Variants in ZNF254 observed in about 807,000 individuals in gnomAD.
ZNF254 encodes the protein zinc finger protein 254.
A neutral mutation model predicts 12.4 loss-of-function variants in ZNF254; 10 were observed. That is an observed-to-expected ratio of 0.80 (90% CI 0.50 to 1.36). The LOEUF (loss-of-function observed/expected upper bound fraction) is 1.36, where lower values mean the gene tolerates loss of function less well. Among genes scored for constraint, ZNF254 ranks in the 40% most tolerant of loss-of-function variants. The pLI, the probability that ZNF254 is intolerant of heterozygous loss-of-function variation, is 0.00. For synonymous variants in ZNF254, 305 were observed against 253.4 expected (o/e 1.20, Z -1.93); for missense variants, 996 against 763.9 (o/e 1.30, Z -3.58).
At chr19:24,089,967 G>A (rs997548380) in intron 1 of ZNF254, among the ~76,000 whole-genome samples, 3 of 150,838 alleles carry the variant, frequency 2.0e-5, no homozygotes, top group African/African-American at 7.3e-5. Context: ...AAGGAGGGTG[G>A]ATCACGAAGT....
At chr19:24,101,261 T>C (rs1568456832) in intron 1 of ZNF254, among the ~76,000 whole-genome samples, 1 of 152,236 alleles carries the variant, frequency 6.6e-6, no homozygotes, top group Non-Finnish European at 1.5e-5. Flanking sequence ...GAATGATGTT[T>C]ATCTAGAATC....
At chr19:24,099,872 G>A (rs1972904564) in intron 1 of ZNF254, among the ~76,000 whole-genome samples, 1 of 152,120 alleles carries the variant, frequency 6.6e-6, no homozygotes, top group African/African-American at 2.4e-5. Flanking sequence ...TTTCTCTGGG[G>A]CTGAAGAGAA....
intron 2 of ZNF254, among the ~76,000 whole-genome samples, chr19:24,072,611 G>A (rs1006088328): frequency 4.6e-5 from 7 of 152,194 alleles, no homozygotes; most frequent in African/African-American, 1.7e-4. Flanking sequence ...TGCTTTGGAG[G>A]TGTGACTCTC....
chr19:24,096,941 T>A (rs1205214395), intron 1 of ZNF254, among the ~76,000 whole-genome samples: 1 of 152,218 alleles, frequency 6.6e-6, no homozygotes, highest in Non-Finnish European at 1.5e-5. Flanking sequence ...TTCAAGCACA[T>A]GTGATGGACC....
chr19:24,070,586 A>G (rs1423456307), intron 2 of ZNF254, among the ~76,000 whole-genome samples: 1 of 152,174 alleles, frequency 6.6e-6, no homozygotes, highest in Non-Finnish European at 1.5e-5. Context: ...TGAGATTGTG[A>G]TTTCTGCACT....
rs10412893 is a variant in ZNF254, at chr19:24,038,204, A to T, written c.-190+4583A>T. 5.3e-3 allele frequency among the ~76,000 whole-genome samples: 812 copies of T among 152,318 alleles called. 7 individuals are homozygous for T. Among genetic ancestry groups the T allele is most frequent in the African/African-American group, 0.019 (785 of 41,578 alleles). On this transcript the variant is annotated intron_variant, in intron 1 of 4. Transcript: ENST00000613065. ...TAAATAGCAAAGAAAATAGAACTTT[A>T]TTCCATTTTCTGTTGGAAGATAGGA...
At chr19:24,095,972 TTTTAA>T (rs1972644492) in intron 1 of ZNF254, among the ~76,000 whole-genome samples, 1 of 152,088 alleles carries the variant, frequency 6.6e-6, no homozygotes, top group African/African-American at 2.4e-5. Flanking sequence ...CTTTCTAACT[TTTTAA>T]TTTGAGCATT....
intron 1 of ZNF254, among the ~76,000 whole-genome samples, chr19:24,034,520 C>T (rs1419642258): frequency 1.7e-5 from 2 of 121,142 alleles, no homozygotes; most frequent in African/African-American, 6.4e-5. Flanking sequence ...TCTTTTGTGC[C>T]AGAGTCTCAT....
chr19:24,052,662 A>G (rs1174436515), intron 2 of ZNF254, among the ~76,000 whole-genome samples: 4 of 152,272 alleles, frequency 2.6e-5, no homozygotes, highest in South Asian at 2.1e-4. Context: ...ATTGTAACGT[A>G]TCCCTAATCG....
At chr19:24,045,311 T>A (rs1392328011) in intron 1 of ZNF254, among the ~76,000 whole-genome samples, 2 of 152,196 alleles carry the variant, frequency 1.3e-5, no homozygotes, top group African/African-American at 4.8e-5. Context: ...TTTAACTTTT[T>A]GCCTGTTCTG....
At position 24,106,059 on chromosome 19, in the gene ZNF254, C is replaced by T; in HGVS notation, c.150C>T (p.Ala50=). Residue 50 remains alanine, a synonymous_variant, in exon 2 of 4, where the codon GCC becomes GCT. Transcript: ENST00000357002. ...NVMLENYRNL[A]FLGIAVSKPD... is the part of the protein sequence containing the mutation. ...TGTTAGAGAACTACAGAAACCTGGC[C>T]TTCCTGGGTGAGGATAACTTTAATA... is the stretch of plus-strand genomic sequence containing the variant. 7 of 1,591,508 alleles carry T rather than the reference C, an allele frequency of 4.4e-6. No homozygotes were observed. The highest frequency in any genetic ancestry group is 6.0e-6 in the Non-Finnish European group (7 of 1,167,546).
At chr19:24,074,738 T>G (rs2145524385) in intron 2 of ZNF254, among the ~76,000 whole-genome samples, 1 of 152,346 alleles carries the variant, frequency 6.6e-6, no homozygotes, top group Non-Finnish European at 1.5e-5. Context: ...GATGTGACTC[T>G]TCTCATGCTT....
chr19:24,085,426 A>ATATATATATATATATATATATATGT (rs369443689), upstream of ZNF254, among the ~76,000 whole-genome samples: 1 of 105,666 alleles, frequency 9.5e-6, no homozygotes. Flanking sequence ...ATATATATAT[A>ATATATATATATATATATATATATGT]AAAACTAAGA....
intron 1 of ZNF254, 144 bp from the exon 2 acceptor site, chr19:24,105,796 G>A (rs1409473004): frequency 7.6e-6 from 10 of 1,322,110 alleles, no homozygotes; most frequent in Non-Finnish European, 1.0e-5. Context: ...AAATGTTCAT[G>A]TGTTGACAAT....
At chr19:24,046,373 T>TATATATATA (rs1555750839) in intron 2 of ZNF254, 1,744 of 95,336 alleles carry the variant, frequency 0.018, 60 homozygotes, top group African/African-American at 0.047. Context: ...TTATTATTTT[T>TATATATATA]TATATATATA....
Position 24,127,467 on chromosome 19 carries a change from C to T in ZNF254, c.1467C>T (p.Pro489=), listed in dbSNP as rs555224504. 9.9e-6 allele frequency: 16 copies of T among 1,613,208 alleles called. No individual in the cohort carries two copies. In the East Asian group the frequency reaches 2.5e-4, roughly 25 times the overall value. Residue 489 remains proline, a synonymous_variant, in exon 4 of 4, where the codon CCC becomes CCT. Transcript: ENST00000357002. ...RHKRMHTGEK[P]YKCEECGKSF... The stretch of plus-strand genomic sequence containing the variant: ...AGAGGATGCACACTGGAGAGAAACC[C>T]TACAAATGTGAAGAATGTGGCAAAT...
intron 2 of ZNF254, among the ~76,000 whole-genome samples, chr19:24,049,210 A>AT (rs1256957447): frequency 2.6e-4 from 12 of 46,212 alleles, no homozygotes; most frequent in South Asian, 1.3e-3. Context: ...ATATATATAT[A>AT]TATATTTTTT....
chr19:24,083,042 A>G (rs1971906772), upstream of ZNF254, among the ~76,000 whole-genome samples: 1 of 152,184 alleles, frequency 6.6e-6, no homozygotes, highest in Non-Finnish European at 1.5e-5. Flanking sequence ...CTGTTCACTG[A>G]TGTTACAATC....
At chr19:24,043,863 T>C (rs1319981794) in intron 1 of ZNF254, among the ~76,000 whole-genome samples, 1 of 152,220 alleles carries the variant, frequency 6.6e-6, no homozygotes, top group Non-Finnish European at 1.5e-5. Context: ...TGAAAACTGC[T>C]CTGGATGTTG....
Sources: allele counts gnomAD v4.1 joint callset (sites outside exome capture counted in the v4.1 genomes callset), GRCh38; gene constraint gnomAD v4.1.1; transcripts MANE v1.5; gene names NCBI Gene and HGNC (gene_info 2026-07-23, HGNC 2026-07-21).